SDK1: variants seen among roughly 807,000 people sequenced by gnomAD.
SDK1 encodes sidekick cell adhesion molecule 1.
Under a neutral mutation model 245.5 loss-of-function variants are expected in SDK1, and 157 were observed. The observed-to-expected ratio is 0.64, with a 90% CI of 0.56 to 0.73. SDK1 has a LOEUF of 0.73. Ranked by LOEUF, SDK1 falls within the 30% of genes least tolerant of loss-of-function variation. The pLI is 0.00. For missense variants in SDK1, 3,583 were observed against 3,002.3 expected (o/e 1.19, Z -4.52); for synonymous variants, 1,647 against 1,278.5 (o/e 1.29, Z -6.15).
intron 4 of SDK1, among the ~76,000 whole-genome samples, chr7:3,749,296 C>A (rs977630491): frequency 6.6e-6 from 1 of 151,852 alleles, no homozygotes; most frequent in Admixed American, 6.6e-5. Flanking sequence ...GCCACCACGC[C>A]CAGCTAATTT....
At chr7:4,117,034 T>C (rs2128192947) in intron 25 of SDK1, among the ~76,000 whole-genome samples, 1 of 152,354 alleles carries the variant, frequency 6.6e-6, no homozygotes, top group South Asian at 2.1e-4. Flanking sequence ...TCTGAATCTT[T>C]GTGACAAAGG....
At chr7:4,095,646 C>T (rs1782104949) in intron 22 of SDK1, among the ~76,000 whole-genome samples, 1 of 152,168 alleles carries the variant, frequency 6.6e-6, no homozygotes, top group Admixed American at 6.5e-5. Context: ...GATCTCAGCT[C>T]ACTGCAACCT....
chr7:3,896,743 TG>T (rs756136258), intron 5 of SDK1, among the ~76,000 whole-genome samples: 38 of 152,280 alleles, frequency 2.5e-4, no homozygotes, highest in Non-Finnish European at 4.4e-4. Flanking sequence ...CTGTTTAAGG[TG>T]GGGGAATAAA....
chr7:4,143,835 G>A (rs748027422), intron 28 of SDK1, among the ~76,000 whole-genome samples: 23 of 152,188 alleles, frequency 1.5e-4, no homozygotes, highest in Non-Finnish European at 2.5e-4. Context: ...TCACAGCCTC[G>A]TCCTCATCCT....
chr7:3,971,433 T>C (rs755480205), intron 11 of SDK1, 33 bp from the exon 12 acceptor site: 48 of 1,485,484 alleles, frequency 3.2e-5, no homozygotes, highest in Non-Finnish European at 9.4e-7. Flanking sequence ...AAACTTGTCA[T>C]TTCGTCTGAC....
intron 20 of SDK1, among the ~76,000 whole-genome samples, chr7:4,073,697 T>G (rs1780418470): frequency 6.6e-6 from 1 of 152,178 alleles, no homozygotes; most frequent in African/African-American, 2.4e-5. Context: ...CAGGGATGTC[T>G]CAGTTCCCTT....
At chr7:3,442,071 G>C (rs904174236) in intron 1 of SDK1, among the ~76,000 whole-genome samples, 8 of 152,286 alleles carry the variant, frequency 5.3e-5, no homozygotes, top group Non-Finnish European at 8.8e-5. Flanking sequence ...GTACCTGCCA[G>C]ATGGTGGGCA....
intron 1 of SDK1, among the ~76,000 whole-genome samples, chr7:3,591,592 G>T (rs780692550): frequency 1.3e-5 from 2 of 152,168 alleles, no homozygotes; most frequent in African/African-American, 2.4e-5. Context: ...AAGAACATGC[G>T]ACCAGTGCCT....
At chr7:3,994,003 C>T (rs1168886971) in intron 14 of SDK1, among the ~76,000 whole-genome samples, 1 of 152,108 alleles carries the variant, frequency 6.6e-6, no homozygotes, top group Non-Finnish European at 1.5e-5. Flanking sequence ...TTCATTCTTC[C>T]TTCTTATTTT....
chr7:4,073,643 G>T lies in SDK1; in HGVS notation c.3011-3355G>T, dbSNP rs530397068. On this transcript the variant is annotated intron_variant, in intron 20 of 44. Coordinates refer to ENST00000404826, the MANE Select transcript of SDK1 (RefSeq NM_152744.4). ...CCCATAGGTTCAGAGTAGACCCCGA[G>T]GATCAAATTATTTAGCGATTGACCA... Among the ~76,000 whole-genome samples, 6 of 152,290 alleles carry T rather than the reference G, an allele frequency of 3.9e-5. No individual in the cohort carries two copies. The South Asian group carries it at 1.0e-3, about 26-fold the overall frequency.
At chr7:3,347,487 G>T (rs943299102) in intron 1 of SDK1, among the ~76,000 whole-genome samples, 1 of 152,078 alleles carries the variant, frequency 6.6e-6, no homozygotes, top group African/African-American at 2.4e-5. Context: ...TACAGTCAAG[G>T]CTCCAGAACC....
At chr7:3,571,271 A>C (rs933544136) in intron 1 of SDK1, among the ~76,000 whole-genome samples, 3 of 151,928 alleles carry the variant, frequency 2.0e-5, no homozygotes, top group Non-Finnish European at 2.9e-5. Flanking sequence ...CTTACTGTAG[A>C]TTATCTTTGT....
intron 5 of SDK1, among the ~76,000 whole-genome samples, chr7:3,898,778 G>T (rs781228601): frequency 1.3e-5 from 2 of 152,144 alleles, no homozygotes; most frequent in Non-Finnish European, 2.9e-5. Flanking sequence ...ATTAGAGCTC[G>T]TTGGGAACGT....
intron 32 of SDK1, among the ~76,000 whole-genome samples, chr7:4,172,297 G>T (rs578076830): frequency 6.6e-6 from 1 of 152,168 alleles, no homozygotes; most frequent in African/African-American, 2.4e-5. Context: ...TGAGTCTGCC[G>T]GGTACACACG....
intron 1 of SDK1, among the ~76,000 whole-genome samples, chr7:3,525,365 C>G (rs777644518): frequency 5.3e-5 from 8 of 152,108 alleles, no homozygotes; most frequent in East Asian, 1.9e-4. Context: ...TTCTCACTTG[C>G]ACCTACGGAA....
At chr7:4,004,155 C>T (rs1785282251) in intron 14 of SDK1, among the ~76,000 whole-genome samples, 2 of 152,210 alleles carry the variant, frequency 1.3e-5, no homozygotes, top group Non-Finnish European at 2.9e-5. Flanking sequence ...TTTTGTTCCA[C>T]AAACACTTAT....
intron 4 of SDK1, among the ~76,000 whole-genome samples, chr7:3,724,548 A>C (rs1000439639): frequency 2.6e-5 from 4 of 152,202 alleles, no homozygotes; most frequent in African/African-American, 9.6e-5. Context: ...ATGCCTTCCA[A>C]GGGGCCTAAT....
intron 37 of SDK1, among the ~76,000 whole-genome samples, chr7:4,209,631 C>T (rs1169311687): frequency 6.6e-6 from 1 of 151,956 alleles, no homozygotes; most frequent in Non-Finnish European, 1.5e-5. Context: ...TCAAGAGAGG[C>T]TTCATCCATC....
intron 1 of SDK1, among the ~76,000 whole-genome samples, chr7:3,337,488 C>A (rs1444473975): frequency 6.6e-6 from 1 of 151,920 alleles, no homozygotes; most frequent in African/African-American, 2.4e-5. Flanking sequence ...AAGAAATAAT[C>A]TGACTATAAT....
Sources: allele counts gnomAD v4.1 joint callset (sites outside exome capture counted in the v4.1 genomes callset), GRCh38; gene constraint gnomAD v4.1.1; transcripts MANE v1.5; gene names NCBI Gene and HGNC (gene_info 2026-07-23, HGNC 2026-07-21).